Variants in RARB observed in about 807,000 individuals in gnomAD.
RARB encodes retinoic acid receptor beta.
RARB carries 17 observed loss-of-function variants against 51.9 expected under a neutral mutation model. The ratio of observed to expected loss-of-function variants is 0.33; its 90% CI spans 0.22 to 0.49. The LOEUF is 0.49. Ranked by LOEUF, RARB falls within the 20% of genes least tolerant of loss-of-function variation. The probability of loss-of-function intolerance (pLI) is 0.99; values close to 1 mark genes in which losing one functional copy is unlikely to be tolerated. For missense variants in RARB, 369 were observed against 550.8 expected (o/e 0.67, Z 3.30); for synonymous variants, 215 against 195.4 (o/e 1.10, Z -0.84).
At chr3:25,194,857 T>C (rs1701193287) in intron 5 of RARB, among the ~76,000 whole-genome samples, 1 of 151,988 alleles carries the variant, frequency 6.6e-6, no homozygotes, top group Non-Finnish European at 1.5e-5. Flanking sequence ...CTCTGGTCTG[T>C]GCCACTTTGA....
At chr3:25,283,790 G>A (rs1703581960) in intron 5 of RARB, among the ~76,000 whole-genome samples, 1 of 152,192 alleles carries the variant, frequency 6.6e-6, no homozygotes, top group African/African-American at 2.4e-5. Context: ...TTAGGGCCCA[G>A]ACAGGATTAC....
chr3:25,404,179 T>C (rs1707342728), intron 5 of RARB, among the ~76,000 whole-genome samples: 1 of 152,170 alleles, frequency 6.6e-6, no homozygotes, highest in Non-Finnish European at 1.5e-5. Context: ...CTTTACACTT[T>C]TTTCAGTGCT....
chr3:25,018,925 C>T (rs901543100), intron 2 of RARB, among the ~76,000 whole-genome samples: 1 of 152,176 alleles, frequency 6.6e-6, no homozygotes, highest in Non-Finnish European at 1.5e-5. Context: ...CCCTTCCCAT[C>T]CAACTTAAGT....
At chr3:25,432,363 C>A (rs1708244379) in intron 1 of RARB, among the ~76,000 whole-genome samples, 1 of 152,130 alleles carries the variant, frequency 6.6e-6, no homozygotes, top group South Asian at 2.1e-4. Flanking sequence ...AGGTAGACAT[C>A]TGTTTGCCTA....
chr3:25,280,607 C>T (rs773578923), intron 5 of RARB, among the ~76,000 whole-genome samples: 3 of 152,160 alleles, frequency 2.0e-5, no homozygotes, highest in Non-Finnish European at 4.4e-5. Context: ...GCCTCCCACC[C>T]ACCCCCACAA....
intron 5 of RARB, among the ~76,000 whole-genome samples, chr3:25,356,222 T>A (rs1310622706): frequency 6.6e-6 from 1 of 152,160 alleles, no homozygotes; most frequent in Non-Finnish European, 1.5e-5. Flanking sequence ...TAGCCTAGTT[T>A]CTTCCTCTTC....
chr3:25,084,441 T>A (rs571736343), intron 3 of RARB, among the ~76,000 whole-genome samples: 1 of 152,298 alleles, frequency 6.6e-6, no homozygotes, highest in African/African-American at 2.4e-5. Flanking sequence ...ATTTGTAATA[T>A]AGTTTTAAAG....
At chr3:25,130,135 G>A (rs984723622) in intron 3 of RARB, among the ~76,000 whole-genome samples, 4 of 151,168 alleles carry the variant, frequency 2.6e-5, no homozygotes, top group African/African-American at 4.9e-5. Flanking sequence ...GAACATGACA[G>A]GCCTCTTTTA....
At position 25,376,636 on chromosome 3, in the gene RARB, C is replaced by G. The variant is rs547864502; in HGVS notation, c.179-84557C>G. ...TATCACCTTGACAGCTGTGAATAGT[C>G]AGTAAACCACACTGTTTCTTTTCTG... On this transcript the variant is annotated intron_variant, in intron 5 of 11. Coordinates refer to the RARB transcript ENST00000383772. Among the ~76,000 whole-genome samples, 6 of 152,334 alleles carry G rather than the reference C, an allele frequency of 3.9e-5. No individual in the cohort carries two copies. In the South Asian group the frequency reaches 1.2e-3, roughly 32 times the overall value.
intron 2 of RARB, among the ~76,000 whole-genome samples, chr3:25,478,385 A>C (rs141316632): frequency 3.3e-5 from 5 of 152,330 alleles, no homozygotes; most frequent in South Asian, 2.1e-4. Flanking sequence ...GTTAGATGCC[A>C]GATGAAGCAG....
intron 5 of RARB, among the ~76,000 whole-genome samples, chr3:25,360,385 G>T (rs1705893026): frequency 6.6e-6 from 1 of 152,224 alleles, no homozygotes; most frequent in Non-Finnish European, 1.5e-5. Context: ...TGTGAGATGG[G>T]TCTCCTGAAT....
At chr3:25,576,659 G>A (rs1700946944) in intron 4 of RARB, among the ~76,000 whole-genome samples, 1 of 152,184 alleles carries the variant, frequency 6.6e-6, no homozygotes, top group East Asian at 1.9e-4. Flanking sequence ...AGGCTGCTAG[G>A]AAATACTCGA....
At chr3:25,376,518 A>G (rs901700213) in intron 5 of RARB, among the ~76,000 whole-genome samples, 5 of 152,322 alleles carry the variant, frequency 3.3e-5, no homozygotes, top group Admixed American at 3.3e-4. Flanking sequence ...AGACTCTACG[A>G]TACACGTGCC....
chr3:24,885,447 G>C (rs2125359813), intron 2 of RARB, among the ~76,000 whole-genome samples: 1 of 152,272 alleles, frequency 6.6e-6, no homozygotes, highest in African/African-American at 2.4e-5. Flanking sequence ...TTGAGAATCT[G>C]TGGTTCTGAA....
intron 1 of RARB, among the ~76,000 whole-genome samples, chr3:24,851,003 A>G (rs147953870): frequency 4.9e-4 from 74 of 152,356 alleles, no homozygotes; most frequent in Non-Finnish European, 8.1e-4. Context: ...TGAAATGTTG[A>G]TCATTTCAAG....
intron 2 of RARB, among the ~76,000 whole-genome samples, chr3:25,053,200 G>A (rs1165981390): frequency 6.6e-6 from 1 of 152,096 alleles, no homozygotes; most frequent in East Asian, 1.9e-4. Context: ...AAGGGAGTGT[G>A]GCTTATGACA....
At chr3:25,436,236 A>G (rs138278248) in intron 1 of RARB, among the ~76,000 whole-genome samples, 1 of 152,282 alleles carries the variant, frequency 6.6e-6, no homozygotes, top group Non-Finnish European at 1.5e-5. Flanking sequence ...TTTCCATGCT[A>G]TCGGCTTGCT....
At chr3:25,021,202 T>C (rs975488342) in intron 2 of RARB, among the ~76,000 whole-genome samples, 1 of 152,228 alleles carries the variant, frequency 6.6e-6, no homozygotes, top group African/African-American at 2.4e-5. Context: ...ATATTACTAA[T>C]GCAAATTTAA....
intron 5 of RARB, among the ~76,000 whole-genome samples, chr3:25,296,771 T>C (rs1263758389): frequency 6.6e-6 from 1 of 152,166 alleles, no homozygotes; most frequent in African/African-American, 2.4e-5. Flanking sequence ...TATTACTAGT[T>C]AGAATTTGGA....
Sources: allele counts gnomAD v4.1 joint callset (sites outside exome capture counted in the v4.1 genomes callset), GRCh38; gene constraint gnomAD v4.1.1; transcripts MANE v1.5; gene names NCBI Gene and HGNC (gene_info 2026-07-23, HGNC 2026-07-21).